Variants in DLG2 observed in about 807,000 individuals in gnomAD.
The protein encoded by DLG2 is disks large homolog 2.
Under a neutral mutation model 132.5 loss-of-function variants are expected in DLG2, and 45 were observed. That is an observed-to-expected ratio of 0.34 (90% confidence interval 0.27 to 0.44). The LOEUF (loss-of-function observed/expected upper bound fraction) is 0.44, where lower values mean the gene tolerates loss of function less well. DLG2 is among the 20% of genes least tolerant of loss of function. The pLI is 1.00. For missense variants in DLG2, 1,045 were observed against 1,196.9 expected (o/e 0.87, Z 1.87); for synonymous variants, 424 against 419.6 (o/e 1.01, Z -0.13).
At chr11:84,006,312 G>A (rs1319704494) in intron 11 of DLG2, among the ~76,000 whole-genome samples, 1 of 151,554 alleles carries the variant, frequency 6.6e-6, no homozygotes, top group Admixed American at 6.6e-5. Context: ...GTGGGGAGAA[G>A]AGAGGTAAGT....
At chr11:83,963,854 G>A (rs2089535525) in intron 13 of DLG2, among the ~76,000 whole-genome samples, 1 of 151,894 alleles carries the variant, frequency 6.6e-6, no homozygotes, top group South Asian at 2.1e-4. Flanking sequence ...CATCTCAGAT[G>A]TTGAAATCTC....
intron 8 of DLG2, among the ~76,000 whole-genome samples, chr11:84,189,372 TTGG>T (rs1212884548): frequency 6.6e-6 from 1 of 152,216 alleles, no homozygotes; most frequent in Non-Finnish European, 1.5e-5. Context: ...TTTTACACTA[TTGG>T]TGGGAGTGTA....
intron 6 of DLG2, among the ~76,000 whole-genome samples, chr11:84,869,241 G>A (rs1046684903): frequency 3.9e-5 from 6 of 152,094 alleles, no homozygotes; most frequent in African/African-American, 1.4e-4. Flanking sequence ...TAGTCATTAC[G>A]TGGTAGCTAC....
At position 85,358,252 on chromosome 11, in the gene DLG2, C is replaced by T. The variant is rs7125502; in HGVS notation, c.41-72887G>A. ...CAGAAGTAGATACTGGGATTTTTCA[C>T]TTCAATTACATGGTGTTCATATTTT... On this transcript the variant is annotated intron_variant, in intron 3 of 27. Transcript: ENST00000376104. Among the ~76,000 whole-genome samples the T allele has an allele frequency of 6.1e-3, 930 of 152,242 alleles. 8 individuals are homozygous for T. The highest frequency in any genetic ancestry group is 0.027 in the Middle Eastern group (8 of 294).
intron 19 of DLG2, among the ~76,000 whole-genome samples, chr11:83,548,717 G>A (rs531774919): frequency 1.3e-5 from 2 of 152,166 alleles, no homozygotes; most frequent in Middle Eastern, 3.4e-3. Flanking sequence ...AAGAACTAAG[G>A]TTTTAATTCT....
chr11:84,297,812 G>A (rs562002437), intron 7 of DLG2, among the ~76,000 whole-genome samples: 1 of 151,892 alleles, frequency 6.6e-6, no homozygotes, highest in East Asian at 1.9e-4. Flanking sequence ...ACTTTCTCTT[G>A]TCCACACTAG....
At chr11:84,465,321 GGTTTTT>G (rs1382530368) in intron 7 of DLG2, among the ~76,000 whole-genome samples, 3 of 151,052 alleles carry the variant, frequency 2.0e-5, no homozygotes, top group African/African-American at 7.3e-5. Context: ...TCTGCCAGTG[GGTTTTT>G]GTTTTTATTT....
intron 6 of DLG2, among the ~76,000 whole-genome samples, chr11:84,629,656 C>A (rs2099628313): frequency 6.6e-6 from 1 of 152,150 alleles, no homozygotes; most frequent in African/African-American, 2.4e-5. Context: ...ATACCTGGCC[C>A]ATCTTATTCA....
intron 7 of DLG2, among the ~76,000 whole-genome samples, chr11:84,282,276 CTCACT>C (rs1268928681): frequency 6.6e-6 from 1 of 152,080 alleles, no homozygotes; most frequent in African/African-American, 2.4e-5. Context: ...ACTATATGAT[CTCACT>C]TATATAAAAT....
At chr11:83,746,086 G>A (rs968259410) in intron 18 of DLG2, among the ~76,000 whole-genome samples, 2 of 152,162 alleles carry the variant, frequency 1.3e-5, no homozygotes, top group Non-Finnish European at 2.9e-5. Context: ...AACAGGTGCT[G>A]GAGAGGATGT....
intron 7 of DLG2, among the ~76,000 whole-genome samples, chr11:84,500,267 A>G (rs1360357616): frequency 6.6e-6 from 1 of 151,960 alleles, no homozygotes. Flanking sequence ...GCTGGAAGGG[A>G]TAAATGACAG....
intron 8 of DLG2, among the ~76,000 whole-genome samples, chr11:84,169,747 C>T (rs1468336837): frequency 6.6e-6 from 1 of 152,110 alleles, no homozygotes; most frequent in Non-Finnish European, 1.5e-5. Context: ...ATGGCTCACG[C>T]CTGTAGTCCC....
chr11:85,242,396 A>AT (rs1182986396), intron 4 of DLG2, among the ~76,000 whole-genome samples: 7 of 151,348 alleles, frequency 4.6e-5, no homozygotes, highest in Non-Finnish European at 8.9e-5. Flanking sequence ...CCAGTCTAGT[A>AT]TTTTGTACCC....
chr11:85,047,034 G>A (rs1379786013), intron 6 of DLG2, among the ~76,000 whole-genome samples: 1 of 151,900 alleles, frequency 6.6e-6, no homozygotes, highest in Non-Finnish European at 1.5e-5. Context: ...GAAATAAGAT[G>A]CTAAAATATA....
chr11:85,261,154 G>A (rs960517930), intron 4 of DLG2, among the ~76,000 whole-genome samples: 5 of 152,104 alleles, frequency 3.3e-5, no homozygotes, highest in African/African-American at 4.8e-5. Context: ...GCAGAGAAGG[G>A]GCTGTCTGCA....
At chr11:85,024,581 T>C (rs2060357244) in intron 6 of DLG2, among the ~76,000 whole-genome samples, 1 of 152,200 alleles carries the variant, frequency 6.6e-6, no homozygotes. Context: ...CTTCATTGCA[T>C]GTTGTCTATA....
intron 21 of DLG2, among the ~76,000 whole-genome samples, chr11:83,496,574 T>C (rs1196840728): frequency 3.9e-5 from 6 of 152,118 alleles, no homozygotes; most frequent in Non-Finnish European, 8.8e-5. Context: ...AATTAATACA[T>C]TGCGGTATAT....
At chr11:84,922,609 G>T (rs2092806194) in intron 6 of DLG2, among the ~76,000 whole-genome samples, 1 of 152,024 alleles carries the variant, frequency 6.6e-6, no homozygotes, top group African/African-American at 2.4e-5. Flanking sequence ...TGCACAGGAT[G>T]GTCAGGTATC....
intron 6 of DLG2, among the ~76,000 whole-genome samples, chr11:84,656,490 A>G (rs1469074234): frequency 6.6e-6 from 1 of 152,202 alleles, no homozygotes; most frequent in African/African-American, 2.4e-5. Flanking sequence ...GAAGAGAAAT[A>G]TAAGTTAAAT....
Sources: gnomAD v4.1 joint callset for allele counts (sites outside exome capture counted in the v4.1 genomes callset) on GRCh38, gnomAD v4.1.1 for gene constraint, MANE v1.5 for transcripts, NCBI Gene and HGNC (gene_info 2026-07-23, HGNC 2026-07-21) for gene names.